Variants in SASH1 observed in about 807,000 individuals in gnomAD.
SASH1 encodes SAM and SH3 domain-containing protein 1.
Under a neutral mutation model 125.2 loss-of-function variants are expected in SASH1, and 44 were observed. The observed-to-expected ratio is 0.35, with a 90% CI of 0.28 to 0.45. SASH1 has a LOEUF of 0.45. SASH1 is among the 20% of genes least tolerant of loss of function. SASH1 has a pLI of 1.00. For missense variants in SASH1, 1,426 were observed against 1,614.5 expected, an observed-to-expected ratio of 0.88 and a Z score of 2.00; for synonymous variants, 639 against 649.1, an observed-to-expected ratio of 0.98 and a Z score of 0.24.
chr6:148,460,145 G>A (rs981100733), intron 4 of SASH1, among the ~76,000 whole-genome samples: 4 of 152,182 alleles, frequency 2.6e-5, no homozygotes, highest in African/African-American at 9.7e-5. Flanking sequence ...CAATTAGCAG[G>A]GGATTGAAGG....
the SASH1 span, among the ~76,000 whole-genome samples, chr6:148,233,285 C>T: frequency 6.6e-6 from 1 of 151,658 alleles, no homozygotes; most frequent in Non-Finnish European, 1.5e-5. Context: ...GTCTGTCTGA[C>T]ACCGAAGTTC....
At chr6:148,345,316 G>A (rs1781487508) in intron 1 of SASH1, among the ~76,000 whole-genome samples, 1 of 152,140 alleles carries the variant, frequency 6.6e-6, no homozygotes, top group Non-Finnish European at 1.5e-5. Context: ...GTAGTGGAGT[G>A]TTCTTTGGCT....
At chr6:148,193,920 T>G in the SASH1 span, among the ~76,000 whole-genome samples, 5 of 152,220 alleles carry the variant, frequency 3.3e-5, no homozygotes, top group Admixed American at 3.3e-4. Flanking sequence ...AAAGGAATTA[T>G]TCTAAGGTAG....
At chr6:148,249,438 G>A in the SASH1 span, among the ~76,000 whole-genome samples, 5 of 152,196 alleles carry the variant, frequency 3.3e-5, no homozygotes, top group East Asian at 9.6e-4. Context: ...AGGCTCATGT[G>A]TAAACAGTCT....
At chr6:148,497,447 G>A (rs1222132600) in intron 8 of SASH1, among the ~76,000 whole-genome samples, 5 of 152,234 alleles carry the variant, frequency 3.3e-5, no homozygotes, top group African/African-American at 7.2e-5. Flanking sequence ...TTCACCCTGC[G>A]TGGGCAAGAG....
At chr6:148,452,883 G>A in intron 4 of SASH1, among the ~76,000 whole-genome samples, 1 of 152,188 alleles carries the variant, frequency 6.6e-6, no homozygotes, top group East Asian at 1.9e-4. Context: ...CAATGGGGGC[G>A]ACTAGGAAAC....
At chr6:148,338,966 C>T (rs983175706), upstream of SASH1, among the ~76,000 whole-genome samples, 4 of 136,168 alleles carry the variant, frequency 2.9e-5, no homozygotes, top group Admixed American at 8.2e-5. Context: ...AATCGGGCCA[C>T]TGCACTCCAG....
chr6:148,397,599 A>G (rs562700944), intron 2 of SASH1, among the ~76,000 whole-genome samples: 1 of 152,300 alleles, frequency 6.6e-6, no homozygotes, highest in East Asian at 1.9e-4. Flanking sequence ...CATGATAGAG[A>G]ACACATTCAG....
chr6:148,297,517 G>A (rs1413272560), intron 1 of SASH1, among the ~76,000 whole-genome samples: 2 of 152,196 alleles, frequency 1.3e-5, no homozygotes, highest in Non-Finnish European at 2.9e-5. Context: ...ATCCTATGCA[G>A]TATTTGGGAT....
At chr6:148,199,487 C>A in the SASH1 span, among the ~76,000 whole-genome samples, 1 of 152,054 alleles carries the variant, frequency 6.6e-6, no homozygotes, top group Non-Finnish European at 1.5e-5. Flanking sequence ...TAATTGGGGC[C>A]AGGAGTTTGA....
rs56276306 is a variant in SASH1 at position 148,326,323 on chromosome 6, CAT to C, written n.74+53979_74+53980del. 8.1e-3 allele frequency among the ~76,000 whole-genome samples: 79 copies of C among 9,812 alleles called. 5 individuals are homozygous for C. The highest frequency in any genetic ancestry group is 0.025 in the African/African-American group (62 of 2,448). 6.4% of individuals were successfully genotyped at this position (9,812 alleles called of 152,430 possible). On this transcript the variant is annotated intron_variant and non_coding_transcript_variant, in intron 1 of 3. Transcript: ENST00000367469. Reference sequence around the variant, plus strand: ...GATTACAGGAGTGAGCCACCGCATGCATATATATATATATATATATATATATA... The same window carrying C: ...GATTACAGGAGTGAGCCACCGCATGCATATATATATATATATATATATATA...
chr6:148,512,088 G>T lies in SASH1; in HGVS notation c.730-2236G>T, dbSNP rs6916830. On this transcript the variant is annotated intron_variant, in intron 8 of 19. Coordinates refer to ENST00000367467, the MANE Select transcript of SASH1 (RefSeq NM_015278.5). Reference sequence around the variant, plus strand: ...GGCTGGAGTGCAGTGGCACGATCCCGGCTCCCTGCAAGCTCCGCCTCCTGG... The same window carrying T: ...GGCTGGAGTGCAGTGGCACGATCCCTGCTCCCTGCAAGCTCCGCCTCCTGG... 4.3e-3 allele frequency among the ~76,000 whole-genome samples: 651 copies of T among 151,828 alleles called. 6 individuals carry two copies. Among genetic ancestry groups the T allele is most frequent in the African/African-American group, 0.015 (609 of 41,380 alleles).
At chr6:148,369,966 CAAAAAAA>C (rs562924566) in intron 1 of SASH1, among the ~76,000 whole-genome samples, 2 of 93,586 alleles carry the variant, frequency 2.1e-5, no homozygotes, top group Admixed American at 1.3e-4. Context: ...AAAAGAAAAA[CAAAAAAA>C]AAAAAAAAAA....
chr6:148,385,477 G>A (rs1014703979), intron 1 of SASH1, among the ~76,000 whole-genome samples: 28 of 152,186 alleles, frequency 1.8e-4, no homozygotes, highest in African/African-American at 6.5e-4. Context: ...AACCTCCAAA[G>A]TGATAAGTGT....
At chr6:148,267,365 TTGTGTGTGTGTG>T (rs200228547), upstream of SASH1, among the ~76,000 whole-genome samples, 6 of 130,014 alleles carry the variant, frequency 4.6e-5, no homozygotes, top group Non-Finnish European at 9.8e-5. Context: ...CAGTACTACT[TTGTGTGTGTGTG>T]TGTGTGTGTG....
At chr6:148,319,235 C>T (rs996870398) in intron 1 of SASH1, among the ~76,000 whole-genome samples, 30 of 151,372 alleles carry the variant, frequency 2.0e-4, no homozygotes, top group African/African-American at 6.8e-4. Context: ...GGGGTTTCAC[C>T]GTGTTTTGCC....
chr6:148,527,439 A>T lies in SASH1; in HGVS notation c.1285-14A>T, dbSNP rs1781244109. The stretch of plus-strand genomic sequence containing the variant: ...TTCTGCGACCAACAATACTTGCAAC[A>T]TTTTGTTTTACAGGGTAAAGAAGGA... On this transcript the variant is annotated splice_polypyrimidine_tract_variant and intron_variant, in intron 11 of 19. Coordinates refer to ENST00000367467, the MANE Select transcript of SASH1 (RefSeq NM_015278.5). The T allele has an allele frequency of 6.4e-7, 1 of 1,557,202 alleles. No homozygotes were observed. Among genetic ancestry groups the T allele is most frequent in the African/African-American group, 1.4e-5 (1 of 71,646 alleles).
chr6:148,296,768 G>C (rs1448184065), intron 1 of SASH1, among the ~76,000 whole-genome samples: 1 of 152,206 alleles, frequency 6.6e-6, no homozygotes, highest in African/African-American at 2.4e-5. Flanking sequence ...AAGGGGTCAA[G>C]GACAAGGGCT....
intron 1 of SASH1, among the ~76,000 whole-genome samples, chr6:148,296,127 T>TTTG (rs10625869): frequency 0.45 from 67,386 of 151,374 alleles, 15,410 homozygotes; most frequent in African/African-American, 0.56. Flanking sequence ...TGTTTTTGTT[T>TTTG]TTGTTGTTGT....
Sources: allele counts gnomAD v4.1 joint callset (sites outside exome capture counted in the v4.1 genomes callset), GRCh38; gene constraint gnomAD v4.1.1; transcripts MANE v1.5; gene names NCBI Gene and HGNC (gene_info 2026-07-23, HGNC 2026-07-21).